WWP2: variants seen among roughly 807,000 people sequenced by gnomAD.
The protein encoded by WWP2 is NEDD4-like E3 ubiquitin-protein ligase WWP2.
A neutral mutation model predicts 121.0 loss-of-function variants in WWP2; 57 were observed. That is an observed-to-expected ratio of 0.47 (90% CI 0.38 to 0.59). The LOEUF (loss-of-function observed/expected upper bound fraction) is 0.59, where lower values mean the gene tolerates loss of function less well. WWP2 is among the 20% of genes least tolerant of loss of function. The pLI is 0.00. For missense variants in WWP2, 962 were observed against 1,158.9 expected, an observed-to-expected ratio of 0.83 and a Z score of 2.47; for synonymous variants, 449 against 441.3, an observed-to-expected ratio of 1.02 and a Z score of -0.22.
At chr16:69,786,615 T>A (rs2151794828) in intron 1 of WWP2, among the ~76,000 whole-genome samples, 1 of 151,780 alleles carries the variant, frequency 6.6e-6, no homozygotes, top group East Asian at 1.9e-4. Context: ...CATGCCTGGA[T>A]AATTTTGTAT....
intron 8 of WWP2, among the ~76,000 whole-genome samples, chr16:69,908,340 T>C (rs910892639): frequency 6.6e-6 from 1 of 152,190 alleles, no homozygotes; most frequent in Admixed American, 6.6e-5. Flanking sequence ...TGGAGGGGTC[T>C]ATGAAACCCA....
chr16:69,917,943 G>GA, intron 10 of WWP2, 60 bp downstream of exon 10: 2 of 1,413,014 alleles, frequency 1.4e-6, no homozygotes, highest in Non-Finnish European at 1.9e-6. Context: ...CGAATGTGCA[G>GA]CCACGTGTTC....
rs2056804749 is a variant in WWP2, at chr16:69,832,143, G to GT, written c.341-7980dup. Among the ~76,000 whole-genome samples the GT allele has an allele frequency of 4.0e-5, 6 of 151,888 alleles. No individual in the cohort carries two copies. In the South Asian group the frequency reaches 1.0e-3, roughly 26 times the overall value. On this transcript the variant is annotated intron_variant, in intron 4 of 23. Coordinates refer to ENST00000359154, the MANE Select transcript of WWP2 (RefSeq NM_001270454.2). The stretch of plus-strand genomic sequence containing the variant: ...TGCGCCCTGCCTTCTTTGTTTGTTT[G>GT]TTTGTTTTGTTTTGTTTTGTTTTGT...
At chr16:69,903,003 G>T (rs985610205) in intron 8 of WWP2, among the ~76,000 whole-genome samples, 2 of 152,134 alleles carry the variant, frequency 1.3e-5, no homozygotes, top group South Asian at 4.1e-4. Context: ...TCTGAGCAGG[G>T]GTCCAACTGC....
Position 69,925,684 on chromosome 16 carries a change from C to T in WWP2, c.1234+200C>T, listed in dbSNP as rs2058629760. Reference sequence around the variant, plus strand: ...AGCTGGGAAAGTAACCAAGCTCCACCGAACCACTGTAGCATCCACCCACCA... The same window carrying T: ...AGCTGGGAAAGTAACCAAGCTCCACTGAACCACTGTAGCATCCACCCACCA... On this transcript the variant is annotated intron_variant, in intron 11 of 23. Transcript: ENST00000359154. The surrounding 1 kb of genome is among the most constrained non-coding windows in gnomAD (Gnocchi z 4.0). 6.6e-6 allele frequency among the ~76,000 whole-genome samples: 1 copy of T among 152,174 alleles called. No individual in the cohort carries two copies. The highest frequency in any genetic ancestry group is 1.9e-4 in the East Asian group (1 of 5,204).
intron 2 of WWP2, among the ~76,000 whole-genome samples, chr16:69,789,223 A>T (rs1339686836): frequency 6.6e-6 from 1 of 151,552 alleles, no homozygotes. Context: ...AGGCCTGGCT[A>T]ACTTTTTTGT....
chr16:69,888,176 G>A lies in WWP2; in HGVS notation c.841G>A (p.Gly281Arg), dbSNP rs760045066. Residue 281 changes from glycine (G) to arginine (R), a missense_variant, in exon 8 of 24, where the codon GGA becomes AGA. Physicochemically the swap from Gly to Arg is moderately radical, Grantham distance 125. This residue lies in a region of WWP2 where 211 missense variants were observed against 196.5 expected (regional missense o/e 1.07). Transcript: ENST00000359154. The stretch of plus-strand genomic sequence containing the variant: ...CCCTGCCCCAGCCACACCGGCTGAA[G>A]GAGAGGAACCCAGCACTTCGGGTAC... ...SLPAPATPAE[G>R]EEPSTSGTQQ... 21 of 1,614,070 alleles carry A rather than the reference G, an allele frequency of 1.3e-5. No homozygotes were observed. Among genetic ancestry groups the A allele is most frequent in the Non-Finnish European group, 1.7e-5 (20 of 1,180,036 alleles).
intron 8 of WWP2, among the ~76,000 whole-genome samples, chr16:69,904,883 G>A (rs577110870): frequency 6.6e-6 from 1 of 152,216 alleles, no homozygotes; most frequent in Non-Finnish European, 1.5e-5. Flanking sequence ...TGTTAAATAA[G>A]TAAGCAAGAG....
intron 2 of WWP2, among the ~76,000 whole-genome samples, chr16:69,797,454 C>G (rs1567671116): frequency 6.6e-6 from 1 of 152,072 alleles, no homozygotes; most frequent in Non-Finnish European, 1.5e-5. Context: ...CTGTTTTCTC[C>G]TGGGTAAAAT....
At position 69,842,142 on chromosome 16, in the gene WWP2, A is replaced by T. The variant is rs78801630; in HGVS notation, c.575+22A>T. 269 of 1,606,618 alleles carry T rather than the reference A, an allele frequency of 1.7e-4. 1 individual carries two copies. The East Asian group carries it at 5.6e-3, about 33-fold the overall frequency. ...CCCGGTAAGACCCCCCTTGGTGAGGACAAAGAGCTAAGAAGTTGCTTAGAG... is the reference window on the plus strand; with the variant it reads ...CCCGGTAAGACCCCCCTTGGTGAGGTCAAAGAGCTAAGAAGTTGCTTAGAG... On this transcript the variant is annotated intron_variant, in intron 6 of 23. Transcript: ENST00000359154.
chr16:69,852,867 CT>C (rs1335167932), intron 6 of WWP2, among the ~76,000 whole-genome samples: 1 of 152,156 alleles, frequency 6.6e-6, no homozygotes. Context: ...TCTGTGGCTA[CT>C]TTCATGCTAC....
At chr16:69,778,192 A>ATATTTTT (rs1555544415) in intron 1 of WWP2, among the ~76,000 whole-genome samples, 1 of 125,658 alleles carries the variant, frequency 8.0e-6, no homozygotes, top group African/African-American at 3.2e-5. Flanking sequence ...ATATATATAT[A>ATATTTTT]TTTTTTTTTT....
intron 2 of WWP2, among the ~76,000 whole-genome samples, chr16:69,798,202 G>A (rs4275849): frequency 0.46 from 69,946 of 152,058 alleles, 17,093 homozygotes; most frequent in African/African-American, 0.62. Flanking sequence ...AAAAGTGTTC[G>A]TATCCTTTGG....
intron 2 of WWP2, among the ~76,000 whole-genome samples, chr16:69,789,710 C>A (rs2055868345): frequency 6.6e-6 from 1 of 152,200 alleles, no homozygotes; most frequent in African/African-American, 2.4e-5. Context: ...GCCTGTTTCC[C>A]TACATCTTTA....
chr16:69,938,442 A>G (rs2058832373), intron 21 of WWP2, among the ~76,000 whole-genome samples: 2 of 152,144 alleles, frequency 1.3e-5, no homozygotes, highest in Non-Finnish European at 2.9e-5. Context: ...AAATAGTGAA[A>G]CCCTCTTTCT....
At chr16:69,880,524 A>G (rs2057808403) in intron 7 of WWP2, among the ~76,000 whole-genome samples, 1 of 152,208 alleles carries the variant, frequency 6.6e-6, no homozygotes, top group East Asian at 1.9e-4. Flanking sequence ...TCATCTGTAT[A>G]TACACCGGGG....
At chr16:69,830,686 A>G (rs1399491929) in intron 4 of WWP2, among the ~76,000 whole-genome samples, 1 of 152,176 alleles carries the variant, frequency 6.6e-6, no homozygotes, top group African/African-American at 2.4e-5. Flanking sequence ...CCCAACAGGA[A>G]TACCAGTGTT....
intron 4 of WWP2, among the ~76,000 whole-genome samples, chr16:69,803,678 C>T (rs893547093): frequency 2.6e-5 from 4 of 152,218 alleles, no homozygotes; most frequent in African/African-American, 9.6e-5. Flanking sequence ...GAGGCGGAGG[C>T]AGGTTGATCA....
At chr16:69,892,179 T>A (rs912449006) in intron 8 of WWP2, among the ~76,000 whole-genome samples, 1 of 152,172 alleles carries the variant, frequency 6.6e-6, no homozygotes, top group African/African-American at 2.4e-5. Flanking sequence ...TAATTTAAAA[T>A]TTTATTTTAT....
Sources: gnomAD v4.1 joint callset for allele counts (sites outside exome capture counted in the v4.1 genomes callset) on GRCh38, gnomAD v4.1.1 for gene constraint, gnomAD v4.1.1 regional missense constraint, Gnocchi (gnomAD v3.1) non-coding constraint, MANE v1.5 for transcripts, NCBI Gene and HGNC (gene_info 2026-07-23, HGNC 2026-07-21) for gene names.